PLPP4: variants seen among roughly 807,000 people sequenced by gnomAD.
PLPP4 encodes diacylglycerol pyrophosphate like 2.
Under a neutral mutation model 32.2 loss-of-function variants are expected in PLPP4, and 20 were observed. That is an observed-to-expected ratio of 0.62 (90% CI 0.44 to 0.90). PLPP4 has a LOEUF of 0.90. PLPP4 is among the 40% of genes least tolerant of loss of function. The probability of loss-of-function intolerance (pLI) is 0.00; values close to 1 mark genes in which losing one functional copy is unlikely to be tolerated. For synonymous variants in PLPP4, 127 were observed against 133.0 expected, an observed-to-expected ratio of 0.95 and a Z score of 0.31; for missense variants, 257 against 353.1, an observed-to-expected ratio of 0.73 and a Z score of 2.18.
At chr10:120,589,176 C>A in intron 6 of PLPP4, 127 bp from the exon 7 acceptor site, 1 of 846,256 alleles carries the variant, frequency 1.2e-6, no homozygotes, top group Non-Finnish European at 1.9e-6. Context: ...TTCCTTTAGT[C>A]TTTCAGGGGG....
At chr10:120,554,458 C>G (rs1258770081) in intron 5 of PLPP4, among the ~76,000 whole-genome samples, 1 of 152,164 alleles carries the variant, frequency 6.6e-6, no homozygotes, top group Admixed American at 6.5e-5. Flanking sequence ...GCTGAGCCCT[C>G]CAAACTGTTC....
chr10:120,500,804 C>T (rs775124518), intron 1 of PLPP4, among the ~76,000 whole-genome samples: 2 of 152,100 alleles, frequency 1.3e-5, no homozygotes, highest in Non-Finnish European at 2.9e-5. Flanking sequence ...CTCAACCAAC[C>T]GAATCTCTTT....
intron 2 of PLPP4, among the ~76,000 whole-genome samples, chr10:120,506,142 A>G (rs1845478543): frequency 6.6e-6 from 1 of 152,244 alleles, no homozygotes. Context: ...CAGAGAACAG[A>G]AGGATATTCA....
chr10:120,500,809 C>G (rs181493472), intron 1 of PLPP4, among the ~76,000 whole-genome samples: 1 of 152,322 alleles, frequency 6.6e-6, no homozygotes, highest in Admixed American at 6.5e-5. Flanking sequence ...CCAACCGAAT[C>G]TCTTTCTTAC....
intron 1 of PLPP4, among the ~76,000 whole-genome samples, chr10:120,458,620 C>G (rs1847898463): frequency 6.6e-6 from 1 of 152,084 alleles, no homozygotes; most frequent in Non-Finnish European, 1.5e-5. Flanking sequence ...TGAGCTCCCC[C>G]AGATGCAAGC....
chr10:120,590,796 C>T lies in PLPP4; in HGVS notation c.*1294C>T, dbSNP rs1355720088. On this transcript the variant is annotated 3_prime_UTR_variant, in exon 7 of 7. Transcript: ENST00000398250. ...TTTTTTTTTTTTTTTGAGATGGAGT[C>T]TCGCTGTGTCGAGACTGCACTGGAG... Among the ~76,000 whole-genome samples the T allele has an allele frequency of 3.7e-5, 5 of 135,456 alleles. No individual in the cohort carries two copies. Among genetic ancestry groups the T allele is most frequent in the African/African-American group, 1.4e-4 (5 of 35,212 alleles). 88.9% of individuals were successfully genotyped at this position (135,456 alleles called of 152,430 possible).
intron 5 of PLPP4, among the ~76,000 whole-genome samples, chr10:120,549,135 C>A (rs1183455800): frequency 3.3e-5 from 5 of 150,352 alleles, no homozygotes; most frequent in Non-Finnish European, 7.4e-5. Context: ...TCAATAAACT[C>A]CTAACAAGAC....
At chr10:120,586,497 C>T (rs1278326022) in intron 6 of PLPP4, among the ~76,000 whole-genome samples, 1 of 152,114 alleles carries the variant, frequency 6.6e-6, no homozygotes, top group Non-Finnish European at 1.5e-5. Flanking sequence ...GACTCAGGAT[C>T]ACATTCCTGG....
intron 1 of PLPP4, among the ~76,000 whole-genome samples, chr10:120,470,520 A>G (rs1848469270): frequency 6.6e-6 from 1 of 152,194 alleles, no homozygotes. Context: ...AAACATAAAT[A>G]TTCTTCTGTA....
chr10:120,525,622 G>A (rs1006441720), intron 5 of PLPP4, among the ~76,000 whole-genome samples: 2 of 152,204 alleles, frequency 1.3e-5, no homozygotes, highest in Non-Finnish European at 2.9e-5. Context: ...CCAATCAGGG[G>A]ACAGGGAAAG....
chr10:120,529,190 G>A (rs1320101558), intron 5 of PLPP4, among the ~76,000 whole-genome samples: 1 of 151,030 alleles, frequency 6.6e-6, no homozygotes, highest in Non-Finnish European at 1.5e-5. Context: ...GTGTGCGTGT[G>A]TGTGTGTGTG....
At chr10:120,485,265 G>A (rs1844393102) in intron 1 of PLPP4, among the ~76,000 whole-genome samples, 2 of 152,228 alleles carry the variant, frequency 1.3e-5, no homozygotes, top group South Asian at 4.1e-4. Context: ...GGCAGGGACT[G>A]TGCCTTATTC....
At chr10:120,580,139 A>G (rs1188461162) in intron 6 of PLPP4, among the ~76,000 whole-genome samples, 4 of 143,536 alleles carry the variant, frequency 2.8e-5, no homozygotes, top group East Asian at 4.1e-4. Context: ...AAAAAAAAAA[A>G]GGAAAGAAAG....
intron 5 of PLPP4, among the ~76,000 whole-genome samples, chr10:120,528,094 A>C (rs1846499479): frequency 5.2e-5 from 1 of 19,096 alleles, no homozygotes; most frequent in Admixed American, 6.2e-4. Context: ...TTTTTTTTTG[A>C]GGCGGAGTCT....
intron 5 of PLPP4, among the ~76,000 whole-genome samples, chr10:120,546,950 T>A (rs895394402): frequency 3.3e-5 from 5 of 152,212 alleles, no homozygotes; most frequent in African/African-American, 1.2e-4. Context: ...GGATAATTTG[T>A]TATGTGTATT....
At chr10:120,463,680 C>A (rs1848179711) in intron 1 of PLPP4, among the ~76,000 whole-genome samples, 1 of 152,112 alleles carries the variant, frequency 6.6e-6, no homozygotes, top group Admixed American at 6.5e-5. Flanking sequence ...GGGCTTAAAT[C>A]CTATTTTGTT....
intron 1 of PLPP4, among the ~76,000 whole-genome samples, chr10:120,463,335 G>A (rs1443812480): frequency 6.6e-6 from 1 of 152,142 alleles, no homozygotes; most frequent in African/African-American, 2.4e-5. Context: ...CTAGAAACAA[G>A]TTTCAAATGA....
intron 1 of PLPP4, among the ~76,000 whole-genome samples, chr10:120,497,093 C>A (rs1845003405): frequency 6.6e-6 from 1 of 151,972 alleles, no homozygotes; most frequent in African/African-American, 2.4e-5. Context: ...CCAGTGATGC[C>A]ACGTGTGCCT....
intron 5 of PLPP4, among the ~76,000 whole-genome samples, chr10:120,528,170 G>A (rs533582372): frequency 6.6e-6 from 1 of 151,268 alleles, no homozygotes; most frequent in East Asian, 2.0e-4. Flanking sequence ...CGCCTGCCGG[G>A]TTCACGCCAT....
Sources: gnomAD v4.1 joint callset for allele counts (sites outside exome capture counted in the v4.1 genomes callset) on GRCh38, gnomAD v4.1.1 for gene constraint, MANE v1.5 for transcripts, NCBI Gene and HGNC (gene_info 2026-07-23, HGNC 2026-07-21) for gene names.